Variants in PALM2AKAP2 observed in about 807,000 individuals in gnomAD.
PALM2AKAP2 encodes PALM2 and AKAP2 fusion.
Under a neutral mutation model 71.5 loss-of-function variants are expected in PALM2AKAP2, and 37 were observed. The observed-to-expected ratio is 0.52, with a 90% CI of 0.40 to 0.68. The LOEUF (loss-of-function observed/expected upper bound fraction) is 0.68, where lower values mean the gene tolerates loss of function less well. Among genes scored for constraint, PALM2AKAP2 ranks in the 30% least tolerant of loss-of-function variants. PALM2AKAP2 has a pLI of 0.00. For missense variants in PALM2AKAP2, 1,224 were observed against 1,191.8 expected (o/e 1.03, Z -0.40); for synonymous variants, 468 against 478.8 (o/e 0.98, Z 0.29).
At chr9:110,005,264 G>T (rs1832756164) in intron 6 of PALM2AKAP2, among the ~76,000 whole-genome samples, 1 of 152,246 alleles carries the variant, frequency 6.6e-6, no homozygotes, top group African/African-American at 2.4e-5. Context: ...CTCAGCTGCA[G>T]GTCTGTTGGA....
chr9:109,919,006 C>T (rs941332014), intron 3 of PALM2AKAP2, among the ~76,000 whole-genome samples: 5 of 152,136 alleles, frequency 3.3e-5, no homozygotes, highest in South Asian at 2.1e-4. Context: ...CAGGGCACCC[C>T]GTGGAGACAG....
chr9:109,702,015 G>A (rs866562781), intron 1 of PALM2AKAP2, among the ~76,000 whole-genome samples: 18 of 152,330 alleles, frequency 1.2e-4, no homozygotes, highest in Middle Eastern at 6.8e-3. Flanking sequence ...GGCCATCAGA[G>A]AAATGCAAAT....
chr9:109,654,453 T>C (rs1356402476), intron 1 of PALM2AKAP2, among the ~76,000 whole-genome samples: 1 of 152,264 alleles, frequency 6.6e-6, no homozygotes, highest in African/African-American at 2.4e-5. Context: ...GCATATTTGT[T>C]AATTAGACTG....
At chr9:110,048,677 C>T, upstream of PALM2AKAP2, 2 of 1,513,652 alleles carry the variant, frequency 1.3e-6, no homozygotes, top group Non-Finnish European at 8.8e-7. Context: ...TCCAGCGCGC[C>T]CGGAGGCTAC....
intron 1 of PALM2AKAP2, among the ~76,000 whole-genome samples, chr9:109,829,386 G>C (rs1208216942): frequency 6.6e-6 from 1 of 152,056 alleles, no homozygotes; most frequent in East Asian, 1.9e-4. Context: ...TAGATTTTGA[G>C]AGCCTTAAGG....
chr9:110,120,906 A>AT (rs574314122), intron 1 of PALM2AKAP2, among the ~76,000 whole-genome samples: 2,647 of 149,102 alleles, frequency 0.018, 40 homozygotes, highest in Non-Finnish European at 0.026. Flanking sequence ...GTTGACAACT[A>AT]TTTTTTTTTT....
At chr9:109,829,802 C>T (rs537049799) in intron 1 of PALM2AKAP2, among the ~76,000 whole-genome samples, 20 of 151,938 alleles carry the variant, frequency 1.3e-4, no homozygotes, top group African/African-American at 4.8e-4. Flanking sequence ...AAAAATCAGT[C>T]GATCCTTCAT....
intron 5 of PALM2AKAP2, among the ~76,000 whole-genome samples, chr9:109,927,148 G>A (rs765876681): frequency 8.5e-5 from 13 of 152,114 alleles, no homozygotes; most frequent in Admixed American, 2.0e-4. Flanking sequence ...TGCCATCTGT[G>A]GTTATCACCA....
chr9:110,154,926 G>A (rs1836409903), intron 2 of PALM2AKAP2, among the ~76,000 whole-genome samples: 1 of 152,178 alleles, frequency 6.6e-6, no homozygotes, highest in South Asian at 2.1e-4. Flanking sequence ...TAACCGCTAT[G>A]GCAGTTAAAG....
intron 6 of PALM2AKAP2, among the ~76,000 whole-genome samples, chr9:109,953,470 A>T (rs751192021): frequency 8.5e-5 from 13 of 152,252 alleles, no homozygotes; most frequent in African/African-American, 1.2e-4. Context: ...GGGGTGGAGG[A>T]GGGCCAAGTT....
intron 3 of PALM2AKAP2, among the ~76,000 whole-genome samples, chr9:109,904,681 C>T (rs1195009593): frequency 4.6e-5 from 7 of 152,184 alleles, no homozygotes; most frequent in African/African-American, 1.4e-4. Flanking sequence ...GGGGTGGGAC[C>T]TCTGCTGAAC....
At chr9:109,795,254 C>T (rs1827220892) in intron 1 of PALM2AKAP2, among the ~76,000 whole-genome samples, 1 of 152,088 alleles carries the variant, frequency 6.6e-6, no homozygotes, top group Admixed American at 6.5e-5. Flanking sequence ...AAAAATAACC[C>T]CTTTGAAAAT....
chr9:109,653,168 G>A (rs1204932685), intron 1 of PALM2AKAP2, among the ~76,000 whole-genome samples: 5 of 152,196 alleles, frequency 3.3e-5, no homozygotes, highest in African/African-American at 4.8e-5. Flanking sequence ...TGTGGAGAAT[G>A]CCTGCCCCCT....
chr9:109,835,963 G>A (rs1451434639), intron 1 of PALM2AKAP2, among the ~76,000 whole-genome samples: 1 of 152,228 alleles, frequency 6.6e-6, no homozygotes, highest in Non-Finnish European at 1.5e-5. Context: ...GCAGGGCATA[G>A]CTGAACAAAA....
intron 1 of PALM2AKAP2, among the ~76,000 whole-genome samples, chr9:109,683,504 A>T (rs1024559722): frequency 6.6e-6 from 1 of 152,200 alleles, no homozygotes; most frequent in Non-Finnish European, 1.5e-5. Flanking sequence ...ATTCTTCCTC[A>T]TAACCTCCAA....
chr9:109,756,608 T>C (rs1163647896), intron 1 of PALM2AKAP2, among the ~76,000 whole-genome samples: 1 of 152,194 alleles, frequency 6.6e-6, no homozygotes, highest in Non-Finnish European at 1.5e-5. Context: ...TTACTTTTTA[T>C]GCTTAGCTCT....
chr9:109,809,967 T>G (rs1827684714), intron 1 of PALM2AKAP2, among the ~76,000 whole-genome samples: 1 of 152,220 alleles, frequency 6.6e-6, no homozygotes. Flanking sequence ...TGTGGAACTG[T>G]GAGTCAATTA....
At chr9:110,050,625 C>A (rs1364616708) in intron 1 of PALM2AKAP2, among the ~76,000 whole-genome samples, 1 of 150,544 alleles carries the variant, frequency 6.6e-6, no homozygotes, top group Non-Finnish European at 1.5e-5. Flanking sequence ...CTTTTCTTTT[C>A]TTTTTTTTTC....
intron 3 of PALM2AKAP2, among the ~76,000 whole-genome samples, chr9:110,163,288 G>A (rs1324531931): frequency 6.6e-6 from 1 of 151,914 alleles, no homozygotes; most frequent in Non-Finnish European, 1.5e-5. Context: ...CATTGTTCTA[G>A]GTTCCAAGAA....
Sources: gnomAD v4.1 joint callset for allele counts (sites outside exome capture counted in the v4.1 genomes callset) on GRCh38, gnomAD v4.1.1 for gene constraint, MANE v1.5 for transcripts, NCBI Gene and HGNC (gene_info 2026-07-23, HGNC 2026-07-21) for gene names.